RTN1: variants seen among roughly 807,000 people sequenced by gnomAD.
RTN1 encodes the protein reticulon 1.
Under a neutral mutation model 65.5 loss-of-function variants are expected in RTN1, and 25 were observed. That is an observed-to-expected ratio of 0.38 (90% confidence interval 0.28 to 0.53). RTN1 has a LOEUF of 0.53. Among genes scored for constraint, RTN1 ranks in the 20% least tolerant of loss-of-function variants. The pLI is 0.79. For missense variants in RTN1, 983 were observed against 1,025.4 expected, an observed-to-expected ratio of 0.96 and a Z score of 0.57; for synonymous variants, 471 against 447.6, an observed-to-expected ratio of 1.05 and a Z score of -0.66.
chr14:59,711,286 C>A (rs1258764262), intron 3 of RTN1, among the ~76,000 whole-genome samples: 1 of 152,192 alleles, frequency 6.6e-6, no homozygotes, highest in Non-Finnish European at 1.5e-5. Flanking sequence ...TTCTGCTTTG[C>A]CAACTCAAGT....
intron 3 of RTN1, among the ~76,000 whole-genome samples, chr14:59,645,836 C>T (rs749264686): frequency 6.6e-6 from 1 of 152,214 alleles, no homozygotes; most frequent in Non-Finnish European, 1.5e-5. Flanking sequence ...GGCAGCCCAG[C>T]AGTTAAGAGA....
At chr14:59,738,039 A>G (rs987826662) in intron 2 of RTN1, among the ~76,000 whole-genome samples, 6 of 152,210 alleles carry the variant, frequency 3.9e-5, no homozygotes, top group African/African-American at 2.4e-5. Context: ...TAAATGTAAA[A>G]CCCAAAACTA....
At chr14:59,714,349 A>G (rs1016639551) in intron 3 of RTN1, among the ~76,000 whole-genome samples, 8 of 152,250 alleles carry the variant, frequency 5.3e-5, no homozygotes, top group African/African-American at 1.9e-4. Flanking sequence ...TTATCCCATT[A>G]GAATAATGCT....
intron 3 of RTN1, among the ~76,000 whole-genome samples, chr14:59,681,943 A>AT (rs1255141833): frequency 2.0e-5 from 3 of 152,046 alleles, no homozygotes; most frequent in African/African-American, 4.8e-5. Flanking sequence ...TGCTCACTAG[A>AT]TTTTTTTAGT....
Position 59,870,386 on chromosome 14 carries a change from T to C in RTN1, c.241+4A>G. 1 of 1,517,126 alleles carries C rather than the reference T, an allele frequency of 6.6e-7. No individual in the cohort carries two copies. The highest frequency in any genetic ancestry group is 2.1e-5 in the Admixed American group (1 of 47,508). 94.0% of individuals were successfully genotyped at this position (1,517,126 alleles called of 1,614,324 possible). A position where few individuals can be genotyped will look rare whatever the true frequency, so the allele number is the denominator to read the frequency against. On this transcript the variant is annotated splice_donor_region_variant and intron_variant, in intron 1 of 8. Coordinates refer to ENST00000267484, the MANE Select transcript of RTN1 (RefSeq NM_021136.3). This position sits in a 1 kb window ranked among gnomAD's most constrained non-coding sequence, Gnocchi z 5.1. ...CATTTGAGGGGCAGCGGCGCCCGCC[T>C]TACCTGTGGATGCAGTTTCCATGGC... is the stretch of plus-strand genomic sequence containing the variant.
Position 59,849,785 on chromosome 14 carries a change from C to T in RTN1, c.241+20605G>A, listed in dbSNP as rs1163510992. ...AGGGAAGTAAAGCCAAGAACTCCCACTCTCACTTACTCCAGGTTCTAGAAT... is the reference window on the plus strand; with the variant it reads ...AGGGAAGTAAAGCCAAGAACTCCCATTCTCACTTACTCCAGGTTCTAGAAT... On this transcript the variant is annotated intron_variant, in intron 1 of 8. Transcript: ENST00000267484. The surrounding 1 kb of genome is among the most constrained non-coding windows in gnomAD (Gnocchi z 4.5). Among the ~76,000 whole-genome samples the T allele has an allele frequency of 6.6e-6, 1 of 152,216 alleles. No homozygotes were observed. The highest frequency in any genetic ancestry group is 1.5e-5 in the Non-Finnish European group (1 of 68,044).
intron 1 of RTN1, among the ~76,000 whole-genome samples, chr14:59,869,330 CTCTACATTGCCAAA>C (rs1887849677): frequency 6.6e-6 from 1 of 151,874 alleles, no homozygotes. Context: ...GGCCTTCTAG[CTCTACATTGCCAAA>C]ACTACACAAC....
chr14:59,695,222 T>A (rs1428837636), intron 3 of RTN1, among the ~76,000 whole-genome samples: 4 of 152,090 alleles, frequency 2.6e-5, no homozygotes, highest in Non-Finnish European at 5.9e-5. Flanking sequence ...GAGCTTTCCA[T>A]TCAGAAGAAC....
chr14:59,846,499 T>C lies in RTN1; in HGVS notation c.241+23891A>G, dbSNP rs1887413384. ...TGAGGTCTCAGTATTCACCTCAGAGTCCCTACCCAGACACCCTTCTGTTCA... is the reference window on the plus strand; with the variant it reads ...TGAGGTCTCAGTATTCACCTCAGAGCCCCTACCCAGACACCCTTCTGTTCA... On this transcript the variant is annotated intron_variant, in intron 1 of 8. Coordinates refer to ENST00000267484, the MANE Select transcript of RTN1 (RefSeq NM_021136.3). The surrounding 1 kb of genome is among the most constrained non-coding windows in gnomAD (Gnocchi z 4.8). Among the ~76,000 whole-genome samples, 1 of 151,942 alleles carries C rather than the reference T, an allele frequency of 6.6e-6. No homozygotes were observed. Among genetic ancestry groups the C allele is most frequent in the East Asian group, 1.9e-4 (1 of 5,162 alleles).
At position 59,677,421 on chromosome 14, in the gene RTN1, TAAGTAGGGACACAAGA is replaced by T. The variant is rs1883649886; in HGVS notation, c.1765+49482_1765+49497del. On this transcript the variant is annotated intron_variant, in intron 3 of 8. Coordinates refer to ENST00000267484, the MANE Select transcript of RTN1 (RefSeq NM_021136.3). The stretch of plus-strand genomic sequence containing the variant: ...GGTTATAATCTGGTAATAAAAATAG[TAAGTAGGGACACAAGA>T]AAGTAGGGACACGAGAAAGATTCAC... 1.3e-5 allele frequency among the ~76,000 whole-genome samples: 2 copies of T among 152,156 alleles called. 1 individual carries two copies. The highest frequency in any genetic ancestry group is 4.1e-4 in the South Asian group (2 of 4,830).
intron 3 of RTN1, among the ~76,000 whole-genome samples, chr14:59,609,490 G>C (rs932103311): frequency 6.6e-6 from 1 of 152,176 alleles, no homozygotes; most frequent in African/African-American, 2.4e-5. Context: ...AGGTGGAGAA[G>C]AGGGATCTTT....
chr14:59,802,453 G>T (rs1003681860), intron 1 of RTN1, among the ~76,000 whole-genome samples: 1 of 152,164 alleles, frequency 6.6e-6, no homozygotes, highest in African/African-American at 2.4e-5. Flanking sequence ...AATTTATAGT[G>T]TATCTGATCT....
intron 1 of RTN1, among the ~76,000 whole-genome samples, chr14:59,823,620 A>G (rs561120520): frequency 1.3e-5 from 2 of 152,042 alleles, no homozygotes; most frequent in African/African-American, 4.8e-5. Context: ...CCGGCTTACA[A>G]AGTTTCTCCT....
Position 59,623,221 on chromosome 14 carries a change from A to G in RTN1, c.1766-15729T>C, listed in dbSNP as rs150734355. Among the ~76,000 whole-genome samples the G allele has an allele frequency of 3.6e-3, 546 of 152,322 alleles. 2 individuals carry two copies. Among genetic ancestry groups the G allele is most frequent in the African/African-American group, 0.012 (481 of 41,560 alleles). On this transcript the variant is annotated intron_variant, in intron 3 of 8. Transcript: ENST00000267484. Reference sequence around the variant, plus strand: ...GGCAAAAACTACTTTATCCTTATGGAGGGCTTAACATTTTCCTTGGTTAGA... The same window carrying G: ...GGCAAAAACTACTTTATCCTTATGGGGGGCTTAACATTTTCCTTGGTTAGA...
chr14:59,735,378 C>T (rs1430660389), intron 2 of RTN1, among the ~76,000 whole-genome samples: 1 of 152,180 alleles, frequency 6.6e-6, no homozygotes, highest in East Asian at 1.9e-4. Context: ...ATCAAACCCA[C>T]ACATAACAAT....
At chr14:59,703,124 A>G (rs2139449577) in intron 3 of RTN1, among the ~76,000 whole-genome samples, 1 of 152,136 alleles carries the variant, frequency 6.6e-6, no homozygotes, top group East Asian at 1.9e-4. Context: ...CCTCCATCAC[A>G]TTCTCAATCC....
At chr14:59,835,946 G>A (rs920254352) in intron 1 of RTN1, among the ~76,000 whole-genome samples, 2 of 152,172 alleles carry the variant, frequency 1.3e-5, no homozygotes, top group Non-Finnish European at 2.9e-5. Context: ...TTAAGGTGTC[G>A]ACAGGGTTGC....
chr14:59,705,378 A>G (rs1884269224), intron 3 of RTN1, among the ~76,000 whole-genome samples: 1 of 152,222 alleles, frequency 6.6e-6, no homozygotes, highest in Non-Finnish European at 1.5e-5. Context: ...TAAACAGGAA[A>G]ACAAGGAGGA....
intron 3 of RTN1, among the ~76,000 whole-genome samples, chr14:59,648,597 G>A (rs943150255): frequency 6.6e-6 from 1 of 152,194 alleles, no homozygotes; most frequent in Non-Finnish European, 1.5e-5. Flanking sequence ...CCATGATCAA[G>A]AAGGCTTTAT....
Sources: gnomAD v4.1 joint callset for allele counts (sites outside exome capture counted in the v4.1 genomes callset) on GRCh38, gnomAD v4.1.1 for gene constraint, Gnocchi (gnomAD v3.1) non-coding constraint, MANE v1.5 for transcripts, NCBI Gene and HGNC (gene_info 2026-07-23, HGNC 2026-07-21) for gene names.